The following RAP1GAP2 variants were observed in gnomAD, a reference collection of about 807,000 sequenced individuals.
RAP1GAP2 encodes rap1 GTPase-activating protein 2.
A neutral mutation model predicts 95.0 loss-of-function variants in RAP1GAP2; 27 were observed. That is an observed-to-expected ratio of 0.28 (90% CI 0.21 to 0.39). The LOEUF (loss-of-function observed/expected upper bound fraction) is 0.39. RAP1GAP2 is among the 10% of genes least tolerant of loss of function. The pLI, the probability that RAP1GAP2 is intolerant of heterozygous loss-of-function variation, is 1.00. For synonymous variants in RAP1GAP2, 373 were observed against 380.9 expected, an observed-to-expected ratio of 0.98 and a Z score of 0.24; for missense variants, 771 against 970.0, an observed-to-expected ratio of 0.79 and a Z score of 2.72.
chr17:3,006,966 G>C (rs962865432), intron 16 of RAP1GAP2, among the ~76,000 whole-genome samples: 2 of 152,192 alleles, frequency 1.3e-5, no homozygotes, highest in African/African-American at 4.8e-5. Context: ...CAGAGGGTGT[G>C]TTCAGGGAAG....
upstream of RAP1GAP2, among the ~76,000 whole-genome samples, chr17:2,792,748 A>T (rs1597316808): frequency 6.6e-6 from 1 of 151,916 alleles, no homozygotes; most frequent in African/African-American, 2.4e-5. Context: ...TCAGGGGCAC[A>T]CCCCCCGGTG....
Position 3,035,372 on chromosome 17 carries a change from G to C in RAP1GAP2, c.*2011G>C, listed in dbSNP as rs1232773348. 3 of 152,404 alleles carry C rather than the reference G, an allele frequency of 2.0e-5. No individual in the cohort carries two copies. In the East Asian group the frequency reaches 5.8e-4, roughly 29 times the overall value. The allele number at this position is 152,404 out of a possible 1,614,324, so 9.4% of individuals were successfully genotyped here. A position where few individuals can be genotyped will look rare whatever the true frequency, so the allele number is the denominator to read the frequency against. On this transcript the variant is annotated 3_prime_UTR_variant, in exon 25 of 25. Coordinates refer to ENST00000254695, the MANE Select transcript of RAP1GAP2 (RefSeq NM_015085.5). The surrounding 1 kb of genome is among the most constrained non-coding windows in gnomAD (Gnocchi z 4.3). ...CGGCATTACAGGTGCTTGGTGGATGGGCCGTGTCACATTGCCATCTGGGGT... is the reference window on the plus strand; with the variant it reads ...CGGCATTACAGGTGCTTGGTGGATGCGCCGTGTCACATTGCCATCTGGGGT...
At chr17:2,893,473 G>C (rs1056835579) in intron 2 of RAP1GAP2, among the ~76,000 whole-genome samples, 23 of 152,234 alleles carry the variant, frequency 1.5e-4, no homozygotes, top group African/African-American at 5.5e-4. Flanking sequence ...GGAAGTGAGG[G>C]TACATAGTTA....
chr17:2,889,831 C>T (rs1223349322), intron 2 of RAP1GAP2, among the ~76,000 whole-genome samples: 20 of 144,534 alleles, frequency 1.4e-4, no homozygotes, highest in South Asian at 2.2e-4. Context: ...TACAGGCGCA[C>T]GCCACCACGC....
At position 2,964,078 on chromosome 17, in the gene RAP1GAP2, G is replaced by A; in HGVS notation, c.492+10G>A. ...GCACTTCCTGGGGAAGGTGAGGCTG[G>A]GGGAGAGGAGCTGCTGGGGGTTGGG... On this transcript the variant is annotated intron_variant, in intron 7 of 24. Coordinates refer to ENST00000254695, the MANE Select transcript of RAP1GAP2 (RefSeq NM_015085.5). 1 of 1,603,408 alleles carries A rather than the reference G, an allele frequency of 6.2e-7. No individual in the cohort carries two copies. The highest frequency in any genetic ancestry group is 8.5e-7 in the Non-Finnish European group (1 of 1,174,732).
rs886080488 is a variant in RAP1GAP2, at chr17:3,029,626, G to T, written c.2108-1296G>T. Among the ~76,000 whole-genome samples, 1 of 152,140 alleles carries T rather than the reference G, an allele frequency of 6.6e-6. No homozygotes were observed. Among genetic ancestry groups the T allele is most frequent in the Admixed American group, 6.5e-5 (1 of 15,278 alleles). The stretch of plus-strand genomic sequence containing the variant: ...AAGAGGACTGATAGGTTACACAGAG[G>T]TGTTGTAGCCCTGGGTGGAACTCCT... On this transcript the variant is annotated intron_variant, in intron 22 of 24. Transcript: ENST00000254695. This position sits in a 1 kb window ranked among gnomAD's most constrained non-coding sequence, Gnocchi z 4.4.
chr17:2,889,597 G>T (rs1567746257), intron 2 of RAP1GAP2, among the ~76,000 whole-genome samples: 1 of 151,968 alleles, frequency 6.6e-6, no homozygotes, highest in South Asian at 2.1e-4. Context: ...GCTCTTGCAG[G>T]TATCTTGTCC....
Position 2,832,341 on chromosome 17 carries a change from G to A in RAP1GAP2, c.80+31791G>A, listed in dbSNP as rs1018416392. Among the ~76,000 whole-genome samples, 12 of 151,096 alleles carry A rather than the reference G, an allele frequency of 7.9e-5. No individual in the cohort carries two copies. In the South Asian group the frequency reaches 1.9e-3, roughly 24 times the overall value. On this transcript the variant is annotated intron_variant, in intron 2 of 24. Transcript: ENST00000254695. ...TGGGAGGCCAAGGTGGGTGGATCAC[G>A]AGGTCAGGAGATCGAGATCATCCTG...
chr17:2,958,337 T>G (rs2044194533), intron 4 of RAP1GAP2, among the ~76,000 whole-genome samples: 2 of 152,090 alleles, frequency 1.3e-5, no homozygotes, highest in African/African-American at 4.8e-5. Context: ...AGACACTACA[T>G]AAAAGTTGGT....
At chr17:2,958,062 A>T (rs1388781259) in intron 4 of RAP1GAP2, among the ~76,000 whole-genome samples, 1 of 152,008 alleles carries the variant, frequency 6.6e-6, no homozygotes, top group Non-Finnish European at 1.5e-5. Flanking sequence ...AGCCCTGTGG[A>T]TGTGGAGGAG....
Position 2,827,128 on chromosome 17 carries a change from A to C in RAP1GAP2, c.80+26578A>C, listed in dbSNP as rs899723134. Reference sequence around the variant, plus strand: ...TAGTCACGTGGGTGAGGCAGGAGGGAAGCCTAGTAGCAGAGAAGATGATGC... The same window carrying C: ...TAGTCACGTGGGTGAGGCAGGAGGGCAGCCTAGTAGCAGAGAAGATGATGC... On this transcript the variant is annotated intron_variant, in intron 2 of 24. Transcript: ENST00000254695. This position sits in a 1 kb window ranked among gnomAD's most constrained non-coding sequence, Gnocchi z 4.1. 6.6e-6 allele frequency among the ~76,000 whole-genome samples: 1 copy of C among 152,194 alleles called. No individual in the cohort carries two copies. The highest frequency in any genetic ancestry group is 1.5e-5 in the Non-Finnish European group (1 of 68,038).
chr17:2,849,102 C>T (rs948277310), intron 2 of RAP1GAP2, among the ~76,000 whole-genome samples: 5 of 152,178 alleles, frequency 3.3e-5, no homozygotes, highest in Admixed American at 6.5e-5. Flanking sequence ...CAGAAGAGAG[C>T]GGGGGTGCTG....
At chr17:2,839,278 C>G (rs941940398) in intron 2 of RAP1GAP2, among the ~76,000 whole-genome samples, 1 of 151,746 alleles carries the variant, frequency 6.6e-6, no homozygotes, top group Non-Finnish European at 1.5e-5. Flanking sequence ...CCACTGCACT[C>G]CAGCCTGGGC....
At chr17:2,880,104 A>G (rs2073232843) in intron 2 of RAP1GAP2, among the ~76,000 whole-genome samples, 2 of 152,200 alleles carry the variant, frequency 1.3e-5, no homozygotes, top group Non-Finnish European at 2.9e-5. Context: ...CCGTGGTGGC[A>G]GAGAGCACGG....
intron 1 of RAP1GAP2, among the ~76,000 whole-genome samples, chr17:2,762,893 C>T (rs1029936462): frequency 6.6e-6 from 1 of 152,168 alleles, no homozygotes; most frequent in East Asian, 1.9e-4. Flanking sequence ...CCACGCTGGT[C>T]TCGAACTCCC....
chr17:3,018,488 C>T (rs562704908), intron 18 of RAP1GAP2, among the ~76,000 whole-genome samples: 2 of 152,260 alleles, frequency 1.3e-5, no homozygotes, highest in East Asian at 3.9e-4. Flanking sequence ...TCCTCGGGGC[C>T]AGCCCTGCAG....
intron 3 of RAP1GAP2, among the ~76,000 whole-genome samples, chr17:2,948,279 C>T (rs554330312): frequency 2.0e-5 from 3 of 152,312 alleles, no homozygotes; most frequent in South Asian, 4.1e-4. Context: ...CATAAACACA[C>T]CCCCACCTCC....
At chr17:2,848,914 T>C (rs1184521595) in intron 2 of RAP1GAP2, among the ~76,000 whole-genome samples, 1 of 152,184 alleles carries the variant, frequency 6.6e-6, no homozygotes, top group Admixed American at 6.5e-5. Context: ...CCCCCTCCTC[T>C]GTCTTCCTCC....
At chr17:3,010,639 C>T (rs1273011435) in intron 17 of RAP1GAP2, among the ~76,000 whole-genome samples, 1 of 152,146 alleles carries the variant, frequency 6.6e-6, no homozygotes, top group African/African-American at 2.4e-5. Flanking sequence ...TGGCAGGAGT[C>T]GCAGTTGATC....
Sources: gnomAD v4.1 joint callset for allele counts (sites outside exome capture counted in the v4.1 genomes callset) on GRCh38, gnomAD v4.1.1 for gene constraint, Gnocchi (gnomAD v3.1) non-coding constraint, MANE v1.5 for transcripts, NCBI Gene and HGNC (gene_info 2026-07-23, HGNC 2026-07-21) for gene names.